CENPP: variants seen among roughly 807,000 people sequenced by gnomAD.
The protein encoded by CENPP is centromere protein P.
In CENPP, 24 loss-of-function variants were observed where a neutral mutation model predicts 35.6. The ratio of observed to expected loss-of-function variants is 0.67; its 90% confidence interval spans 0.49 to 0.95. The LOEUF is 0.95. Ranked by LOEUF, CENPP falls within the 40% of genes least tolerant of loss-of-function variation. The pLI is 0.00. For synonymous variants in CENPP, 120 were observed against 125.5 expected (o/e 0.96, Z 0.29); for missense variants, 332 against 345.3 (o/e 0.96, Z 0.31).
intron 5 of CENPP, among the ~76,000 whole-genome samples, chr9:92,602,714 G>A (rs1019588837): frequency 2.6e-5 from 4 of 152,226 alleles, no homozygotes; most frequent in African/African-American, 9.7e-5. Context: ...CCAGGGGCGA[G>A]GGGTACCATG....
Position 92,589,139 on chromosome 9 carries a change from G to A in CENPP, c.565-22175G>A, listed in dbSNP as rs573991799. Among the ~76,000 whole-genome samples the A allele has an allele frequency of 1.5e-4, 22 of 151,524 alleles. No homozygotes were observed. In the South Asian group the frequency reaches 4.6e-3, roughly 32 times the overall value. ...GCCCACGAGTTCAAGACCAGCCTGAGCAATATGGTGAAACCCTGTCTCTAC... is the reference window on the plus strand; with the variant it reads ...GCCCACGAGTTCAAGACCAGCCTGAACAATATGGTGAAACCCTGTCTCTAC... On this transcript the variant is annotated intron_variant, in intron 5 of 7. Coordinates refer to ENST00000375587, the MANE Select transcript of CENPP (RefSeq NM_001012267.3).
chr9:92,372,998 T>C (rs1311319988), intron 4 of CENPP, among the ~76,000 whole-genome samples: 4 of 152,164 alleles, frequency 2.6e-5, no homozygotes, highest in Admixed American at 1.3e-4. Flanking sequence ...TTGATAGACT[T>C]GGGAAGTTTT....
At chr9:92,396,837 T>A (rs571286882) in intron 5 of CENPP, among the ~76,000 whole-genome samples, 50 of 152,078 alleles carry the variant, frequency 3.3e-4, no homozygotes, top group Non-Finnish European at 6.0e-4. Flanking sequence ...CCCATAAACA[T>A]CTTTTATATC....
chr9:92,379,513 G>A (rs148442658), intron 4 of CENPP, among the ~76,000 whole-genome samples: 3 of 152,306 alleles, frequency 2.0e-5, no homozygotes, highest in East Asian at 1.9e-4. Context: ...AGGGAATGTG[G>A]CATTTGAGTG....
In CENPP at chr9:92,434,117, G is replaced by A. The variant is rs962321217; in HGVS notation, c.564+54258G>A. Among the ~76,000 whole-genome samples, 14 of 152,004 alleles carry A rather than the reference G, an allele frequency of 9.2e-5. No homozygotes were observed. In the East Asian group the frequency reaches 1.9e-3, roughly 21 times the overall value. On this transcript the variant is annotated intron_variant, in intron 5 of 7. Coordinates refer to ENST00000375587, the MANE Select transcript of CENPP (RefSeq NM_001012267.3). ...TAGAATGAATAATTGGAGACTGGGC[G>A]CGGTGGCTCACGCCTGTAATCCCAA... is the stretch of plus-strand genomic sequence containing the variant.
chr9:92,604,615 A>G (rs1280316702), intron 5 of CENPP, among the ~76,000 whole-genome samples: 1 of 151,980 alleles, frequency 6.6e-6, no homozygotes, highest in African/African-American at 2.4e-5. Flanking sequence ...ATTTTTTGAG[A>G]TGGAGTTTTG....
intron 5 of CENPP, chr9:92,517,651 C>A: frequency 6.2e-7 from 1 of 1,611,878 alleles, no homozygotes; most frequent in Non-Finnish European, 8.5e-7. Context: ...AAAGATTAAT[C>A]ACACACTGAT....
At chr9:92,542,375 T>C (rs1459344602) in intron 5 of CENPP, among the ~76,000 whole-genome samples, 1 of 152,236 alleles carries the variant, frequency 6.6e-6, no homozygotes, top group African/African-American at 2.4e-5. Flanking sequence ...GTTTACTGTG[T>C]AGATATTTCT....
intron 5 of CENPP, among the ~76,000 whole-genome samples, chr9:92,405,874 G>A (rs1423795153): frequency 2.0e-5 from 3 of 152,144 alleles, no homozygotes; most frequent in Non-Finnish European, 2.9e-5. Context: ...TTTATTGAGC[G>A]CCAATTCTGT....
chr9:92,600,579 G>C, intron 5 of CENPP: 3 of 1,606,358 alleles, frequency 1.9e-6, no homozygotes, highest in Non-Finnish European at 2.5e-6. Context: ...AAGCCCTTGC[G>C]AGGGTTCTGG....
intron 5 of CENPP, chr9:92,393,352 G>T: frequency 1.2e-6 from 1 of 813,368 alleles, no homozygotes; most frequent in Non-Finnish European, 1.9e-6. Context: ...TTGAAGAGAT[G>T]TTTTACAGAA....
intron 5 of CENPP, among the ~76,000 whole-genome samples, chr9:92,577,145 A>G (rs1432855428): frequency 2.6e-5 from 4 of 152,208 alleles, no homozygotes; most frequent in Non-Finnish European, 5.9e-5. Context: ...TATCTGTAAA[A>G]TTTGAAGATT....
In CENPP at chr9:92,595,538, G is replaced by A. The variant is rs550991348; in HGVS notation, c.565-15776G>A. On this transcript the variant is annotated intron_variant, in intron 5 of 7. Coordinates refer to ENST00000375587, the MANE Select transcript of CENPP (RefSeq NM_001012267.3). ...ATGACAGGCATGAACTCCCAAGTCT[G>A]CTCAGTTTTTTGTTTTTTGTTTTTG... Among the ~76,000 whole-genome samples, 3 of 151,912 alleles carry A rather than the reference G, an allele frequency of 2.0e-5. No homozygotes were observed. The South Asian group carries it at 6.2e-4, about 32-fold the overall frequency.
chr9:92,452,267 C>T (rs1277979484), intron 5 of CENPP, among the ~76,000 whole-genome samples: 18 of 151,904 alleles, frequency 1.2e-4, no homozygotes, highest in African/African-American at 3.4e-4. Flanking sequence ...TTTTGAGATA[C>T]GTCCCATCAA....
At chr9:92,403,273 T>C (rs937609440) in intron 5 of CENPP, 2 of 1,603,672 alleles carry the variant, frequency 1.2e-6, no homozygotes, top group Non-Finnish European at 1.7e-6. Flanking sequence ...CCTCATAATC[T>C]TGGCTAAATA....
At chr9:92,560,117 C>G (rs1332218624) in intron 5 of CENPP, among the ~76,000 whole-genome samples, 1 of 152,148 alleles carries the variant, frequency 6.6e-6, no homozygotes, top group African/African-American at 2.4e-5. Context: ...GCACTCCAGT[C>G]TGGGTGACAC....
rs201684741 is a variant in CENPP at position 92,469,778 on chromosome 9, CG to C, written c.564+89924del. Among the ~76,000 whole-genome samples the C allele has an allele frequency of 4.1e-3, 622 of 152,166 alleles. 25 individuals are homozygous for C. In the South Asian group the frequency reaches 0.088, roughly 22 times the overall value. ...GAGCTGTGCTGAGGGGAGGCGGTGG[CG>C]GGGGAAATGAGGTGCTCCTCCAAAC... On this transcript the variant is annotated intron_variant, in intron 5 of 7. Coordinates refer to ENST00000375587, the MANE Select transcript of CENPP (RefSeq NM_001012267.3).
intron 5 of CENPP, among the ~76,000 whole-genome samples, chr9:92,520,368 A>G (rs1346535485): frequency 3.3e-5 from 5 of 152,164 alleles, no homozygotes; most frequent in African/African-American, 1.2e-4. Flanking sequence ...ACATAAAAAG[A>G]TGCTTAACAT....
chr9:92,606,775 G>A (rs532296672), intron 5 of CENPP, among the ~76,000 whole-genome samples: 2 of 152,184 alleles, frequency 1.3e-5, no homozygotes, highest in African/African-American at 2.4e-5. Flanking sequence ...GTGGTGGCAC[G>A]CGTCTGTAGT....
Sources: gnomAD v4.1 joint callset for allele counts (sites outside exome capture counted in the v4.1 genomes callset) on GRCh38, gnomAD v4.1.1 for gene constraint, MANE v1.5 for transcripts, NCBI Gene and HGNC (gene_info 2026-07-23, HGNC 2026-07-21) for gene names.